The following PDE4D variants were observed in gnomAD, a reference collection of about 807,000 sequenced individuals.
PDE4D encodes 3',5'-cyclic-AMP phosphodiesterase 4D.
A neutral mutation model predicts 87.4 loss-of-function variants in PDE4D; 24 were observed. The observed-to-expected ratio is 0.27, with a 90% CI of 0.20 to 0.39. The LOEUF is 0.39. PDE4D is among the 10% of genes least tolerant of loss of function. The pLI is 1.00. For missense variants in PDE4D, 714 were observed against 1,041.0 expected (o/e 0.69, Z 4.32); for synonymous variants, 384 against 383.2 (o/e 1.00, Z -0.02).
chr5:58,993,526 G>C, intron 6 of PDE4D, 61 bp from the exon 7 acceptor site: 1 of 1,019,600 alleles, frequency 9.8e-7, no homozygotes, highest in Non-Finnish European at 1.5e-6. Flanking sequence ...AAATATATAT[G>C]CATACTCTGA....
intron 5 of PDE4D, among the ~76,000 whole-genome samples, chr5:59,094,216 CAAAAAAAAAAAAAAA>C (rs1164383460): frequency 5.5e-4 from 8 of 14,560 alleles, no homozygotes; most frequent in African/African-American, 1.1e-3. Context: ...GACTCCGTCT[CAAAAAAAAAAAAAAA>C]AAAAAAAAAA....
chr5:60,462,154 G>C lies in PDE4D; in HGVS notation c.-90+25788C>G, dbSNP rs1018642068. On this transcript the variant is annotated intron_variant, in intron 1 of 16. Transcript: ENST00000502484. ...GGGCTGTGATACATACCCACCTGCAGGGACAACTTCCCTTCTAGACTCTTC... is the reference window on the plus strand; with the variant it reads ...GGGCTGTGATACATACCCACCTGCACGGACAACTTCCCTTCTAGACTCTTC... 2.0e-5 allele frequency among the ~76,000 whole-genome samples: 3 copies of C among 152,122 alleles called. No individual in the cohort carries two copies. The South Asian group carries it at 6.2e-4, about 32-fold the overall frequency.
intron 1 of PDE4D, among the ~76,000 whole-genome samples, chr5:59,865,407 C>G (rs78584536): frequency 6.6e-6 from 1 of 152,252 alleles, no homozygotes; most frequent in African/African-American, 2.4e-5. Context: ...CCCAGTTGAG[C>G]TAAAACTGAT....
At chr5:59,597,254 A>G (rs989171651) in intron 1 of PDE4D, among the ~76,000 whole-genome samples, 11 of 152,200 alleles carry the variant, frequency 7.2e-5, no homozygotes, top group African/African-American at 2.4e-4. Flanking sequence ...TTAATGCTAT[A>G]TTGTAATATT....
At chr5:59,406,622 T>C (rs941060985) in intron 1 of PDE4D, among the ~76,000 whole-genome samples, 4 of 152,170 alleles carry the variant, frequency 2.6e-5, no homozygotes, top group Non-Finnish European at 5.9e-5. Context: ...ACTCCTGACC[T>C]CATGATCTGC....
At chr5:60,368,761 T>A (rs1188268598) in intron 1 of PDE4D, among the ~76,000 whole-genome samples, 1 of 152,088 alleles carries the variant, frequency 6.6e-6, no homozygotes, top group Admixed American at 6.5e-5. Flanking sequence ...GTTGAAAGTG[T>A]GTACCAGCTC....
chr5:59,742,956 C>T (rs949876187), intron 1 of PDE4D, among the ~76,000 whole-genome samples: 3 of 152,154 alleles, frequency 2.0e-5, no homozygotes, highest in Admixed American at 6.6e-5. Context: ...AGGTTTACCA[C>T]TTAGCACACT....
chr5:59,527,101 TAA>T (rs1467648737), intron 1 of PDE4D, among the ~76,000 whole-genome samples: 2 of 152,232 alleles, frequency 1.3e-5, no homozygotes. Flanking sequence ...CGTGAATATG[TAA>T]AAGTTTCTGC....
chr5:59,210,499 G>A (rs180907545), intron 2 of PDE4D, among the ~76,000 whole-genome samples: 1 of 152,194 alleles, frequency 6.6e-6, no homozygotes, highest in Non-Finnish European at 1.5e-5. Context: ...ATGGGAGGTA[G>A]GGAGAGTATT....
intron 1 of PDE4D, among the ~76,000 whole-genome samples, chr5:59,392,690 C>T (rs1327905025): frequency 6.6e-6 from 1 of 152,024 alleles, no homozygotes; most frequent in Non-Finnish European, 1.5e-5. Flanking sequence ...GAAGTCACTG[C>T]GCATGCAGGT....
At chr5:59,590,644 C>A (rs1430467377) in intron 1 of PDE4D, among the ~76,000 whole-genome samples, 1 of 152,094 alleles carries the variant, frequency 6.6e-6, no homozygotes, top group African/African-American at 2.4e-5. Flanking sequence ...TCAGTGAAGT[C>A]CCTGCAGCTA....
chr5:59,746,660 A>C (rs1005230591), intron 1 of PDE4D, among the ~76,000 whole-genome samples: 1 of 151,910 alleles, frequency 6.6e-6, no homozygotes, highest in African/African-American at 2.4e-5. Context: ...CGTGACTCCT[A>C]GCGTTCAGTC....
chr5:59,940,359 G>C (rs553488483), intron 3 of PDE4D, among the ~76,000 whole-genome samples: 2 of 152,080 alleles, frequency 1.3e-5, no homozygotes, highest in African/African-American at 4.8e-5. Context: ...AGTTAGGAGG[G>C]TGCTCCTAAT....
intron 1 of PDE4D, among the ~76,000 whole-genome samples, chr5:59,395,269 C>G (rs1789154656): frequency 6.6e-6 from 1 of 152,220 alleles, no homozygotes; most frequent in Non-Finnish European, 1.5e-5. Flanking sequence ...GGCTCCAACT[C>G]TGGGGGCAGG....
chr5:59,717,670 G>A (rs372422156), intron 1 of PDE4D, among the ~76,000 whole-genome samples: 2 of 152,256 alleles, frequency 1.3e-5, no homozygotes, highest in East Asian at 1.9e-4. Context: ...GCTTCATTAC[G>A]ATATTTAAGA....
intron 1 of PDE4D, among the ~76,000 whole-genome samples, chr5:59,590,660 T>C (rs1825800806): frequency 1.3e-5 from 2 of 152,170 alleles, no homozygotes; most frequent in South Asian, 4.1e-4. Flanking sequence ...AGCTATGGCA[T>C]AACCTCAGCT....
chr5:59,289,562 C>T (rs1182535570), intron 1 of PDE4D, among the ~76,000 whole-genome samples: 1 of 151,926 alleles, frequency 6.6e-6, no homozygotes, highest in Non-Finnish European at 1.5e-5. Flanking sequence ...TCATATATAA[C>T]AGACTCACAG....
intron 1 of PDE4D, among the ~76,000 whole-genome samples, chr5:59,348,222 T>C (rs1779913158): frequency 6.6e-6 from 1 of 152,210 alleles, no homozygotes; most frequent in South Asian, 2.1e-4. Flanking sequence ...AAATAAGTAT[T>C]CAAAACTCAT....
chr5:60,074,931 A>G (rs1326281960), intron 2 of PDE4D, among the ~76,000 whole-genome samples: 1 of 152,152 alleles, frequency 6.6e-6, no homozygotes, highest in African/African-American at 2.4e-5. Flanking sequence ...AAGACAGCAT[A>G]CCATTGGGTC....
Sources: gnomAD v4.1 joint callset for allele counts (sites outside exome capture counted in the v4.1 genomes callset) on GRCh38, gnomAD v4.1.1 for gene constraint, MANE v1.5 for transcripts, NCBI Gene and HGNC (gene_info 2026-07-23, HGNC 2026-07-21) for gene names.